Variants in AP5M1 observed in about 807,000 individuals in gnomAD.
AP5M1 encodes the protein AP-5 complex subunit mu-1.
A neutral mutation model predicts 52.3 loss-of-function variants in AP5M1; 44 were observed. The observed-to-expected ratio is 0.84, with a 90% CI of 0.66 to 1.08. The LOEUF is 1.08. Ranked by LOEUF, AP5M1 falls within the 50% of genes least tolerant of loss-of-function variation. The pLI, the probability that AP5M1 is intolerant of heterozygous loss-of-function variation, is 0.00. For missense variants in AP5M1, 526 were observed against 568.4 expected, an observed-to-expected ratio of 0.93 and a Z score of 0.76; for synonymous variants, 213 against 199.0, an observed-to-expected ratio of 1.07 and a Z score of -0.59.
In AP5M1 at chr14:57,286,227, A is replaced by G; in HGVS notation, c.1298A>G (p.His433Arg). 6.3e-7 allele frequency: 1 copy of G among 1,599,052 alleles called. No homozygotes were observed. Among genetic ancestry groups the G allele is most frequent in the Non-Finnish European group, 8.6e-7 (1 of 1,168,158 alleles). Reference sequence around the variant, plus strand: ...ACATTTCTCTCTTCTTTCTAGCTTCATTTTAGGATCTTAGATTACACACTT... The same window carrying G: ...ACATTTCTCTCTTCTTTCTAGCTTCGTTTTAGGATCTTAGATTACACACTT... ...CTGETAYLKLHFRILDYTLTG... is the reference protein window; with the variant it reads ...CTGETAYLKLRFRILDYTLTG... Residue 433 changes from histidine (H) to arginine (R), a missense_variant, in exon 7 of 8, where the codon CAT becomes CGT. Coordinates refer to ENST00000261558, the MANE Select transcript of AP5M1 (RefSeq NM_018229.4).
chr14:57,274,879 T>A lies in AP5M1; in HGVS notation c.710T>A (p.Val237Glu), dbSNP rs1456103017. ...GATACATGGCAAGTTGTTGGAACAG[T>A]GACTTGCAAGGTGAGATTTTTCTCT... ...IADTWQVVGT[V>E]TCKCDLEGIM... The change falls in exon 2 of 8, where the codon GTG becomes GAG. Residue 237 changes from valine (V) to glutamate (E), a missense_variant. By Grantham distance (121) the Val-to-Glu change is moderately radical. Around this residue, in one of 3 missense-constraint regions of AP5M1, gnomAD observed 425 missense variants for 430.6 expected, o/e 0.99. Coordinates refer to ENST00000261558, the MANE Select transcript of AP5M1 (RefSeq NM_018229.4). 1 of 1,614,184 alleles carries A rather than the reference T, an allele frequency of 6.2e-7. No homozygotes were observed. The highest frequency in any genetic ancestry group is 2.2e-5 in the East Asian group (1 of 44,884).
chr14:57,281,801 C>T (rs1352365398), intron 3 of AP5M1, among the ~76,000 whole-genome samples: 2 of 152,218 alleles, frequency 1.3e-5, no homozygotes, highest in Admixed American at 6.5e-5. Flanking sequence ...ATCAGTATGC[C>T]TACTGCATGC....
At position 57,289,239 on chromosome 14, in the gene AP5M1, C is replaced by T. The variant is rs1232119332; in HGVS notation, c.*355C>T. ...ATTACAGCCCTTTTCTGTACTGAGC[C>T]TTGGATAAAGGGTCAGGCTCCTTTT... On this transcript the variant is annotated 3_prime_UTR_variant, in exon 8 of 8. Coordinates refer to ENST00000261558, the MANE Select transcript of AP5M1 (RefSeq NM_018229.4). 6.3e-6 allele frequency: 1 copy of T among 158,650 alleles called. No individual in the cohort carries two copies. The highest frequency in any genetic ancestry group is 1.4e-5 in the Non-Finnish European group (1 of 72,866). The allele number at this position is 158,650 out of a possible 1,614,324, so 9.8% of individuals were successfully genotyped here.
Position 57,274,296 on chromosome 14 carries a change from G to T in AP5M1, c.127G>T (p.Val43Leu), listed in dbSNP as rs1347404444. 5.6e-6 allele frequency: 9 copies of T among 1,614,134 alleles called. No homozygotes were observed. The highest frequency in any genetic ancestry group is 7.6e-6 in the Non-Finnish European group (9 of 1,180,010). Residue 43 changes from valine to leucine, a missense_variant, in exon 2 of 8, where the codon GTG becomes TTG. Transcript: ENST00000261558. The stretch of plus-strand genomic sequence containing the variant: ...CAGAGTCTTCAATGGAGCAAGTTAT[G>T]TGCCTGTTCCTGAAGATGGTCCCTT... ...RARVFNGASY[V>L]PVPEDGPFLK...
intron 6 of AP5M1, among the ~76,000 whole-genome samples, chr14:57,284,567 AAAGAAGG>A (rs1885262884): frequency 6.6e-6 from 1 of 152,190 alleles, no homozygotes; most frequent in African/African-American, 2.4e-5. Context: ...CAGAAAGAGA[AAAGAAGG>A]GAGAAGGGAG....
In AP5M1 at chr14:57,296,085, A is replaced by G. The variant is rs951166730; in HGVS notation, c.*7201A>G. ...TAAATGGGAAAGTTAGTAATTAAAA[A>G]TTTAGAAGGAATTTTAGCCTTTACC... On this transcript the variant is annotated 3_prime_UTR_variant, in exon 8 of 8. Transcript: ENST00000261558. 1 of 152,022 alleles carries G rather than the reference A, an allele frequency of 6.6e-6. No individual in the cohort carries two copies. The highest frequency in any genetic ancestry group is 1.5e-5 in the Non-Finnish European group (1 of 67,940). 9.4% of individuals were successfully genotyped at this position (152,022 alleles called of 1,614,324 possible).
Position 57,289,983 on chromosome 14 carries a change from GA to G in AP5M1, c.*1103del, listed in dbSNP as rs1181614782. ...AGTTGGACTTTAAGTGACCATTCAA[GA>G]AAAGATGAAATCTCACGAACCTCAA... On this transcript the variant is annotated 3_prime_UTR_variant, in exon 8 of 8. Coordinates refer to ENST00000261558, the MANE Select transcript of AP5M1 (RefSeq NM_018229.4). 6.6e-6 allele frequency: 1 copy of G among 151,602 alleles called. No individual in the cohort carries two copies. 9.4% of individuals were successfully genotyped at this position (151,602 alleles called of 1,614,324 possible). A position where few individuals can be genotyped will look rare whatever the true frequency, so the allele number is the denominator to read the frequency against.
At chr14:57,269,778 A>G (rs947982749) in intron 1 of AP5M1, among the ~76,000 whole-genome samples, 12 of 152,168 alleles carry the variant, frequency 7.9e-5, no homozygotes, top group East Asian at 3.9e-4. Flanking sequence ...CTACTGAAAA[A>G]TCCATGCTAA....
At position 57,280,238 on chromosome 14, in the gene AP5M1, G is replaced by A. The variant is rs754980836; in HGVS notation, c.764G>A (p.Ser255Asn). Reference protein sequence around the residue: ...GIMPNVTISLSLPTNGSPLQD... With the variant: ...GIMPNVTISLNLPTNGSPLQD... ...ATGCCAAATGTTACCATCAGCTTGA[G>A]TCTCCCCACCAATGGATCTCCACTT... The change falls in exon 3 of 8, where the codon AGT (serine) becomes AAT (asparagine). Residue 255 changes from serine to asparagine, a missense_variant. Physicochemically the swap from Ser to Asn is conservative, Grantham distance 46. Transcript: ENST00000261558. 1 of 1,614,016 alleles carries A rather than the reference G, an allele frequency of 6.2e-7. No individual in the cohort carries two copies. The highest frequency in any genetic ancestry group is 1.3e-5 in the African/African-American group (1 of 75,014).
intron 1 of AP5M1, among the ~76,000 whole-genome samples, chr14:57,270,315 G>T (rs1466252494): frequency 6.6e-6 from 1 of 152,198 alleles, no homozygotes; most frequent in Non-Finnish European, 1.5e-5. Context: ...ATTGTAAAAT[G>T]TTGGTGGCAA....
rs1346217540 is a variant in AP5M1, at chr14:57,282,992, GA to G, written c.1148del (p.Glu383GlyfsTer5). 1 of 1,599,924 alleles carries G rather than the reference GA, an allele frequency of 6.3e-7. No individual in the cohort carries two copies. The highest frequency in any genetic ancestry group is 1.3e-5 in the African/African-American group (1 of 74,438). On this transcript the variant is annotated frameshift_variant, in exon 5 of 8. Coordinates refer to ENST00000261558, the MANE Select transcript of AP5M1 (RefSeq NM_018229.4). LOFTEE classifies it high-confidence loss of function. ...TSFGQLEVFR[E>X]KSLLIWIIGQ... Reference sequence around the variant, plus strand: ...TTTTGGCCAGCTTGAAGTATTTCGAGAGAAAAGCTTATTGATCTGGATTATT... The same window carrying G: ...TTTTGGCCAGCTTGAAGTATTTCGAGGAAAAGCTTATTGATCTGGATTATT...
At chr14:57,279,984 T>G (rs542442310) in intron 2 of AP5M1, among the ~76,000 whole-genome samples, 1 of 152,310 alleles carries the variant, frequency 6.6e-6, no homozygotes, top group Non-Finnish European at 1.5e-5. Context: ...GCTTTAGAGA[T>G]AAGCAATGGA....
chr14:57,274,184 T>G, intron 1 of AP5M1, 60 bp from the exon 2 acceptor site: 4 of 1,508,564 alleles, frequency 2.7e-6, no homozygotes, highest in Non-Finnish European at 2.7e-6. Context: ...TTAAAAAAAT[T>G]CTTTCATCTT....
rs868254350 is a variant in AP5M1, at chr14:57,273,873, A to G, written c.75-371A>G. ...CTAGCTACTAAGATAGAATCAGAAG[A>G]AAAAAAATTCTTATAGATGCCTAAA... On this transcript the variant is annotated intron_variant, in intron 1 of 7. Coordinates refer to ENST00000261558, the MANE Select transcript of AP5M1 (RefSeq NM_018229.4). 9.3e-5 allele frequency: 56 copies of G among 602,516 alleles called. 1 individual carries two copies. The Middle Eastern group carries it at 1.6e-3, about 17-fold the overall frequency. The allele number at this position is 602,516 out of a possible 1,614,324, so 37.3% of individuals were successfully genotyped here. A position where few individuals can be genotyped will look rare whatever the true frequency, so the allele number is the denominator to read the frequency against.
intron 1 of AP5M1, among the ~76,000 whole-genome samples, chr14:57,270,605 G>C (rs1452619254): frequency 6.6e-6 from 1 of 152,156 alleles, no homozygotes; most frequent in African/African-American, 2.4e-5. Flanking sequence ...CCCAACATTT[G>C]TTGTTGGACC....
rs563886733 is a variant in AP5M1 at position 57,295,883 on chromosome 14, G to C, written c.*6999G>C. The C allele has an allele frequency of 1.6e-3, 241 of 152,026 alleles. No individual in the cohort carries two copies. The highest frequency in any genetic ancestry group is 5.5e-3 in the African/African-American group (227 of 41,500). The allele number at this position is 152,026 out of a possible 1,614,324, so 9.4% of individuals were successfully genotyped here. ...ATTGTGAAATTACTGAAATGAGTAT[G>C]TAATTGAGTATGTAATATATGCATT... On this transcript the variant is annotated 3_prime_UTR_variant, in exon 8 of 8. Coordinates refer to ENST00000261558, the MANE Select transcript of AP5M1 (RefSeq NM_018229.4).
intron 2 of AP5M1, among the ~76,000 whole-genome samples, chr14:57,276,076 T>A (rs79062636): frequency 7.9e-5 from 12 of 152,250 alleles, no homozygotes; most frequent in African/African-American, 2.4e-4. Context: ...CTTTTTTTTT[T>A]AATCCTGTTT....
At chr14:57,273,500 T>C (rs1029577141) in intron 1 of AP5M1, among the ~76,000 whole-genome samples, 3 of 152,190 alleles carry the variant, frequency 2.0e-5, no homozygotes, top group African/African-American at 7.2e-5. Context: ...TATTTTGGAA[T>C]TGAGAAACTG....
Position 57,269,100 on chromosome 14 carries a change from C to T in AP5M1, c.-215C>T, listed in dbSNP as rs1316303870. ...TTTCTCAAGGTTATAGGTTGGGGTTCTTAGAACTTTTTGTGGTGTGTGTTG... is the reference window on the plus strand; with the variant it reads ...TTTCTCAAGGTTATAGGTTGGGGTTTTTAGAACTTTTTGTGGTGTGTGTTG... On this transcript the variant is annotated 5_prime_UTR_variant, in exon 1 of 8. Transcript: ENST00000261558. The T allele has an allele frequency of 1.7e-6, 1 of 583,354 alleles. No individual in the cohort carries two copies. Among genetic ancestry groups the T allele is most frequent in the Non-Finnish European group, 3.0e-6 (1 of 331,030 alleles). 36.1% of individuals were successfully genotyped at this position (583,354 alleles called of 1,614,324 possible). A position where few individuals can be genotyped will look rare whatever the true frequency, so the allele number is the denominator to read the frequency against.
Sources: allele counts gnomAD v4.1 joint callset (sites outside exome capture counted in the v4.1 genomes callset), GRCh38; gene constraint gnomAD v4.1.1; regional missense constraint gnomAD v4.1.1; transcripts MANE v1.5; gene names NCBI Gene and HGNC (gene_info 2026-07-23, HGNC 2026-07-21).